Variants in DRC3 observed in about 807,000 individuals in gnomAD.
The protein encoded by DRC3 is leucine rich repeat containing 48.
A neutral mutation model predicts 57.6 loss-of-function variants in DRC3; 45 were observed. The ratio of observed to expected loss-of-function variants is 0.78; its 90% confidence interval spans 0.62 to 1.00. DRC3 has a LOEUF of 1.00. DRC3 is among the 50% of genes least tolerant of loss of function. The pLI, the probability that DRC3 is intolerant of heterozygous loss-of-function variation, is 0.00. For missense variants in DRC3, 655 were observed against 675.2 expected, an observed-to-expected ratio of 0.97 and a Z score of 0.33; for synonymous variants, 257 against 272.3, an observed-to-expected ratio of 0.94 and a Z score of 0.55.
chr17:18,015,549 A>G (rs2044328802), intron 12 of DRC3: 2 of 153,858 alleles, frequency 1.3e-5, no homozygotes, highest in African/African-American at 4.8e-5. Context: ...AGGATACTCC[A>G]AATGGAATCC....
intron 12 of DRC3, 162 bp from the exon 13 acceptor site, chr17:18,015,902 T>A: frequency 1.4e-6 from 1 of 718,036 alleles, no homozygotes; most frequent in Non-Finnish European, 2.3e-6. Context: ...ACAGATGAAT[T>A]CACAGATGAA....
intron 1 of DRC3, chr17:17,973,522 G>A (rs1298894091): frequency 1.3e-5 from 2 of 152,114 alleles, no homozygotes; most frequent in African/African-American, 2.4e-5. Flanking sequence ...TATGGCCTCC[G>A]GAGCTTACAT....
chr17:17,980,551 T>C (rs1219764939), intron 3 of DRC3, among the ~76,000 whole-genome samples: 2 of 150,002 alleles, frequency 1.3e-5, no homozygotes, highest in Non-Finnish European at 3.0e-5. Context: ...TGCCTCAGGC[T>C]CCCAAAGTGC....
At chr17:17,997,227 C>G (rs916408844) in intron 8 of DRC3, among the ~76,000 whole-genome samples, 16 of 152,296 alleles carry the variant, frequency 1.1e-4, no homozygotes, top group African/African-American at 3.6e-4. Flanking sequence ...TCCTGAATCC[C>G]TCAGGCTGAG....
At chr17:17,975,296 C>T (rs2042329963) in intron 2 of DRC3, among the ~76,000 whole-genome samples, 1 of 151,328 alleles carries the variant, frequency 6.6e-6, no homozygotes, top group South Asian at 2.1e-4. Flanking sequence ...ACTGCAACCT[C>T]CAACTCCCTG....
At chr17:17,980,594 A>ATTTTT (rs35688948) in intron 3 of DRC3, among the ~76,000 whole-genome samples, 2 of 108,478 alleles carry the variant, frequency 1.8e-5, no homozygotes, top group African/African-American at 3.6e-5. Context: ...TGCGCCCAGC[A>ATTTTT]TTTTTTTTTT....
intron 9 of DRC3, among the ~76,000 whole-genome samples, chr17:18,002,694 C>T (rs866564454): frequency 6.6e-6 from 1 of 152,174 alleles, no homozygotes; most frequent in Non-Finnish European, 1.5e-5. Context: ...TTCCTGTACA[C>T]GGCCTCTGAT....
intron 2 of DRC3, among the ~76,000 whole-genome samples, chr17:17,975,942 C>A (rs187897064): frequency 1.3e-5 from 2 of 152,238 alleles, no homozygotes; most frequent in Admixed American, 1.3e-4. Context: ...GTCAGGGAGG[C>A]AAGAGGAGGG....
At chr17:18,010,331 T>C (rs2044123946) in intron 12 of DRC3, among the ~76,000 whole-genome samples, 1 of 152,204 alleles carries the variant, frequency 6.6e-6, no homozygotes, top group Non-Finnish European at 1.5e-5. Flanking sequence ...CTCAAGCCAC[T>C]AGCAGTGCGG....
chr17:17,980,612 T>TG (rs1392408019), intron 3 of DRC3, among the ~76,000 whole-genome samples: 1 of 150,224 alleles, frequency 6.7e-6, no homozygotes, highest in African/African-American at 2.5e-5. Flanking sequence ...TTTTTTTTTT[T>TG]TGAGATGGAG....
chr17:17,986,682 G>A (rs1328056286), intron 4 of DRC3, among the ~76,000 whole-genome samples: 2 of 151,870 alleles, frequency 1.3e-5, no homozygotes, highest in African/African-American at 4.8e-5. Context: ...AGGCTGGTCT[G>A]GAACTCCTGA....
intron 3 of DRC3, among the ~76,000 whole-genome samples, chr17:17,980,292 T>C (rs2042604808): frequency 6.6e-6 from 1 of 152,020 alleles, no homozygotes; most frequent in Non-Finnish European, 1.5e-5. Context: ...GTTGTTTTTT[T>C]TTTTGTAGAG....
Position 18,016,708 on chromosome 17 carries a change from C to T in DRC3, c.*37C>T, listed in dbSNP as rs757165872. ...CCACAGGAGCTTCTTCAAAACATAGCACCAGCCCCAGCCAGGAGAAGGAAG... is the reference window on the plus strand; with the variant it reads ...CCACAGGAGCTTCTTCAAAACATAGTACCAGCCCCAGCCAGGAGAAGGAAG... On this transcript the variant is annotated 3_prime_UTR_variant, in exon 14 of 14. Coordinates refer to ENST00000399187, the MANE Select transcript of DRC3 (RefSeq NM_031294.4). 1.5e-6 allele frequency: 2 copies of T among 1,378,554 alleles called. No individual in the cohort carries two copies. The highest frequency in any genetic ancestry group is 1.7e-5 in the Admixed American group (1 of 57,492). 85.4% of individuals were successfully genotyped at this position (1,378,554 alleles called of 1,614,324 possible).
chr17:18,011,099 A>C (rs921252037), intron 12 of DRC3, among the ~76,000 whole-genome samples: 1 of 152,198 alleles, frequency 6.6e-6, no homozygotes, highest in African/African-American at 2.4e-5. Flanking sequence ...CTGGGATTAC[A>C]GGCATGCGCC....
chr17:17,982,646 C>T (rs2042756325), intron 3 of DRC3, among the ~76,000 whole-genome samples: 1 of 146,566 alleles, frequency 6.8e-6, no homozygotes, highest in African/African-American at 2.5e-5. Context: ...GCGATCTTGG[C>T]TCACTGCAAC....
At position 17,988,184 on chromosome 17, in the gene DRC3, G is replaced by A. The variant is rs1053479337; in HGVS notation, c.444+86G>A. On this transcript the variant is annotated intron_variant, in intron 5 of 13. Transcript: ENST00000399187. ...GAGTGGGGGTCTGTGGCTAGGGGAA[G>A]TACAGGCTGAGTGTTCAGATCTTCT... 30 of 1,366,362 alleles carry A rather than the reference G, an allele frequency of 2.2e-5. No homozygotes were observed. The African/African-American group carries it at 3.2e-4, about 14-fold the overall frequency. The allele number at this position is 1,366,362 out of a possible 1,614,324, so 84.6% of individuals were successfully genotyped here.
intron 3 of DRC3, among the ~76,000 whole-genome samples, chr17:17,979,012 G>A (rs1036032098): frequency 6.6e-6 from 1 of 152,216 alleles, no homozygotes; most frequent in African/African-American, 2.4e-5. Flanking sequence ...ATGTGGTGTG[G>A]AGGAAAAAAG....
intron 12 of DRC3, chr17:18,011,420 T>C: frequency 3.6e-6 from 1 of 276,458 alleles, no homozygotes. Flanking sequence ...ATCACTGTCC[T>C]GACCAAGCTC....
chr17:18,009,938 G>C (rs1227311018), intron 12 of DRC3, among the ~76,000 whole-genome samples: 2 of 152,230 alleles, frequency 1.3e-5, no homozygotes, highest in Non-Finnish European at 2.9e-5. Flanking sequence ...CCTGGAGCTG[G>C]CACTGAGGGA....
Sources: gnomAD v4.1 joint callset for allele counts (sites outside exome capture counted in the v4.1 genomes callset) on GRCh38, gnomAD v4.1.1 for gene constraint, MANE v1.5 for transcripts, NCBI Gene and HGNC (gene_info 2026-07-23, HGNC 2026-07-21) for gene names.